Variants in GAB2 observed in about 807,000 individuals in gnomAD.
GAB2 encodes the protein GRB2 associated binding protein 2.
GAB2 carries 26 observed loss-of-function variants against 65.5 expected under a neutral mutation model. The observed-to-expected ratio is 0.40, with a 90% CI of 0.29 to 0.55. GAB2 has a LOEUF of 0.55. Among genes scored for constraint, GAB2 ranks in the 20% least tolerant of loss-of-function variants. The probability of loss-of-function intolerance (pLI) is 0.53; values close to 1 mark genes in which losing one functional copy is unlikely to be tolerated. For missense variants in GAB2, 884 were observed against 875.8 expected (o/e 1.01, Z -0.12); for synonymous variants, 321 against 329.6 (o/e 0.97, Z 0.28).
chr11:78,333,453 G>T (rs1436610916), intron 1 of GAB2, among the ~76,000 whole-genome samples: 1 of 151,972 alleles, frequency 6.6e-6, no homozygotes. Context: ...TTTTATAGAG[G>T]TGGGGGGTCT....
At chr11:78,245,043 T>G (rs1210468927) in intron 3 of GAB2, among the ~76,000 whole-genome samples, 1 of 152,196 alleles carries the variant, frequency 6.6e-6, no homozygotes, top group African/African-American at 2.4e-5. Flanking sequence ...ACCTAAGTGG[T>G]CATCAACAGA....
chr11:78,360,853 C>G (rs1345939622), intron 1 of GAB2, among the ~76,000 whole-genome samples: 1 of 151,932 alleles, frequency 6.6e-6, no homozygotes, highest in East Asian at 1.9e-4. Flanking sequence ...AGCAAAACTT[C>G]GTCTCAAAGA....
chr11:78,415,463 C>T (rs749917857), intron 1 of GAB2, among the ~76,000 whole-genome samples: 19 of 152,078 alleles, frequency 1.2e-4, no homozygotes, highest in South Asian at 2.1e-4. Context: ...TCTGAATACC[C>T]CAAAAGAAAA....
intron 1 of GAB2, among the ~76,000 whole-genome samples, chr11:78,323,102 G>A (rs899454753): frequency 1.3e-5 from 2 of 152,146 alleles, no homozygotes; most frequent in African/African-American, 2.4e-5. Flanking sequence ...GATTTAAAAT[G>A]TATAGTACAT....
intron 1 of GAB2, among the ~76,000 whole-genome samples, chr11:78,343,848 T>G (rs1176414584): frequency 3.3e-5 from 5 of 152,224 alleles, no homozygotes; most frequent in Non-Finnish European, 7.3e-5. Context: ...ACTTTTGTAC[T>G]AAGTCTTTAA....
chr11:78,239,241 G>T (rs1224887705), intron 3 of GAB2, among the ~76,000 whole-genome samples: 1 of 151,924 alleles, frequency 6.6e-6, no homozygotes, highest in Non-Finnish European at 1.5e-5. Context: ...ATTTTTTTGA[G>T]ATAGAGTCTT....
Position 78,218,887 on chromosome 11 carries a change from T to G in GAB2, c.*385A>C, listed in dbSNP as rs1864276808. 1 of 176,570 alleles carries G rather than the reference T, an allele frequency of 5.7e-6. No individual in the cohort carries two copies. The highest frequency in any genetic ancestry group is 1.2e-5 in the Non-Finnish European group (1 of 84,164). 10.9% of individuals were successfully genotyped at this position (176,570 alleles called of 1,614,324 possible). A position where few individuals can be genotyped will look rare whatever the true frequency, so the allele number is the denominator to read the frequency against. On this transcript the variant is annotated 3_prime_UTR_variant, in exon 10 of 10. Transcript: ENST00000361507. ...GCCCAGTGGCCGGAGGGAAGATAGCTGAGGGCTGTGACTGAACGTGAGGTG... is the reference window on the plus strand; with the variant it reads ...GCCCAGTGGCCGGAGGGAAGATAGCGGAGGGCTGTGACTGAACGTGAGGTG...
In GAB2 at chr11:78,291,294, C is replaced by CAAAAAA. The variant is rs397848614; in HGVS notation, c.76-10399_76-10394dup. On this transcript the variant is annotated intron_variant, in intron 1 of 9. Coordinates refer to ENST00000361507, the MANE Select transcript of GAB2 (RefSeq NM_080491.3). ...GGTGAAACCGTCTCTACTAAAACGA[C>CAAAAAA]AAAAAAAAAAAAAAAAAAAAAATTA... is the stretch of plus-strand genomic sequence containing the variant. 2.3e-4 allele frequency among the ~76,000 whole-genome samples: 24 copies of CAAAAAA among 103,836 alleles called. No homozygotes were observed. In the East Asian group the frequency reaches 5.0e-3, roughly 22 times the overall value. 68.1% of individuals were successfully genotyped at this position (103,836 alleles called of 152,430 possible). A position where few individuals can be genotyped will look rare whatever the true frequency, so the allele number is the denominator to read the frequency against.
At chr11:78,321,789 A>AC (rs1772664928) in intron 1 of GAB2, among the ~76,000 whole-genome samples, 1 of 152,302 alleles carries the variant, frequency 6.6e-6, no homozygotes, top group South Asian at 2.1e-4. Flanking sequence ...TGTTACAAAA[A>AC]CAGACATGTA....
At chr11:78,232,218 A>C (rs1864868074) in intron 3 of GAB2, among the ~76,000 whole-genome samples, 2 of 152,212 alleles carry the variant, frequency 1.3e-5, no homozygotes, top group Admixed American at 1.3e-4. Flanking sequence ...TTCTAATTTT[A>C]CCATTTACCC....
intron 1 of GAB2, among the ~76,000 whole-genome samples, chr11:78,334,392 C>G (rs548320366): frequency 1.8e-4 from 28 of 152,292 alleles, no homozygotes; most frequent in African/African-American, 6.5e-4. Flanking sequence ...ATCCCCACCT[C>G]TCTTACCACC....
intron 1 of GAB2, among the ~76,000 whole-genome samples, chr11:78,288,511 T>G (rs1183598288): frequency 6.6e-6 from 1 of 151,642 alleles, no homozygotes; most frequent in African/African-American, 2.4e-5. Flanking sequence ...TACAAGATAA[T>G]CATACAGAAA....
intron 1 of GAB2, among the ~76,000 whole-genome samples, chr11:78,360,395 TAA>T (rs60132161): frequency 3.6e-5 from 5 of 139,902 alleles, no homozygotes; most frequent in Admixed American, 7.2e-5. Flanking sequence ...TTTCTGTATT[TAA>T]AAAAAAAAAA....
At position 78,219,409 on chromosome 11, in the gene GAB2, T is replaced by C. The variant is rs199624574; in HGVS notation, c.1894A>G (p.Thr632Ala). The C allele has an allele frequency of 9.1e-5, 147 of 1,613,254 alleles. No homozygotes were observed. The highest frequency in any genetic ancestry group is 1.1e-4 in the African/African-American group (8 of 74,690). The change falls in exon 10 of 10, where the codon ACT becomes GCT. Residue 632 changes from threonine to alanine, a missense_variant. Transcript: ENST00000361507. ...TTCTCATCAGAGGTGACGGATGAAG[T>C]AGATGGCTGAGGGGACAGAGTGGGA... Reference protein sequence around the residue: ...SSPSPHRKPSTSSVTSDEKVD... With the variant: ...SSPSPHRKPSASSVTSDEKVD...
In GAB2 at chr11:78,226,521, G is replaced by C; in HGVS notation, c.1151C>G (p.Ala384Gly). Residue 384 changes from alanine to glycine, a missense_variant, in exon 4 of 10, where the codon GCC becomes GGC. Ala to Gly is a moderately conservative substitution (Grantham distance 60). Transcript: ENST00000361507. ...PISENSRSVA[A>G]TIPRRNTLPA... Reference sequence around the variant, plus strand: ...GAGGGTGTTGCGTCTGGGGATGGTGGCAGCGACAGATCTGCTATTTTCACT... The same window carrying C: ...GAGGGTGTTGCGTCTGGGGATGGTGCCAGCGACAGATCTGCTATTTTCACT... The C allele has an allele frequency of 6.2e-7, 1 of 1,608,356 alleles. No homozygotes were observed. The highest frequency in any genetic ancestry group is 8.5e-7 in the Non-Finnish European group (1 of 1,177,344).
Position 78,384,839 on chromosome 11 carries a change from T to C in GAB2, c.75+32807A>G, listed in dbSNP as rs149277164. 2.4e-3 allele frequency among the ~76,000 whole-genome samples: 373 copies of C among 152,298 alleles called. 1 individual carries two copies. Among genetic ancestry groups the C allele is most frequent in the African/African-American group, 8.6e-3 (357 of 41,556 alleles). On this transcript the variant is annotated intron_variant, in intron 1 of 9. Transcript: ENST00000361507. ...GTGCATGTTCAACAGATTTTAGCCC[T>C]TTCTGAGCACAAAAGCACCAAAGAC...
At position 78,227,177 on chromosome 11, in the gene GAB2, T is replaced by C. The variant is rs111365909; in HGVS notation, c.621-126A>G. On this transcript the variant is annotated intron_variant, in intron 3 of 9. Transcript: ENST00000361507. ...CTGTAAAATGGTGACTAAAAGCATATTTTGAAGGTTGTTCAGACTCTAGTA... is the reference window on the plus strand; with the variant it reads ...CTGTAAAATGGTGACTAAAAGCATACTTTGAAGGTTGTTCAGACTCTAGTA... 8 of 658,460 alleles carry C rather than the reference T, an allele frequency of 1.2e-5. No homozygotes were observed. In the South Asian group the frequency reaches 1.3e-4, roughly 10 times the overall value. The allele number at this position is 658,460 out of a possible 1,614,324, so 40.8% of individuals were successfully genotyped here. A position where few individuals can be genotyped will look rare whatever the true frequency, so the allele number is the denominator to read the frequency against.
Position 78,226,620 on chromosome 11 carries a change from G to GGGGGGGGGGGGGGGGGGCCC in GAB2, c.1051_1052insGGGCCCCCCCCCCCCCCCCC (p.Pro351ArgfsTer83). Reference sequence around the variant, plus strand: ...ACTTGGCTTGGGGGGGCGGGGTGGGGGAGCTATGGCTGAGTCCCCAGGAGT... The same window carrying GGGGGGGGGGGGGGGGGGCCC: ...ACTTGGCTTGGGGGGGCGGGGTGGGGGGGGGGGGGGGGGGGGGCCCGAGCTATGGCTGAGTCCCCAGGAGT... On this transcript the variant is annotated frameshift_variant, in exon 4 of 10. Transcript: ENST00000361507. LOFTEE classifies it high-confidence loss of function. The GGGGGGGGGGGGGGGGGGCCC allele has an allele frequency of 6.7e-7, 1 of 1,500,414 alleles. No individual in the cohort carries two copies. The highest frequency in any genetic ancestry group is 9.3e-7 in the Non-Finnish European group (1 of 1,078,906). 92.9% of individuals were successfully genotyped at this position (1,500,414 alleles called of 1,614,324 possible).
chr11:78,278,855 G>C (rs893279455), intron 2 of GAB2, among the ~76,000 whole-genome samples: 1 of 151,960 alleles, frequency 6.6e-6, no homozygotes, highest in Non-Finnish European at 1.5e-5. Context: ...CTAGTAGCTG[G>C]GATTACAGGC....
Sources: gnomAD v4.1 joint callset for allele counts (sites outside exome capture counted in the v4.1 genomes callset) on GRCh38, gnomAD v4.1.1 for gene constraint, MANE v1.5 for transcripts, NCBI Gene and HGNC (gene_info 2026-07-23, HGNC 2026-07-21) for gene names.